P4HA1: variants seen among roughly 807,000 people sequenced by gnomAD.
The protein encoded by P4HA1 is prolyl 4-hydroxylase subunit alpha-1.
A neutral mutation model predicts 72.8 loss-of-function variants in P4HA1; 24 were observed. The ratio of observed to expected loss-of-function variants is 0.33; its 90% CI spans 0.24 to 0.46. The LOEUF is 0.46. P4HA1 is among the 20% of genes least tolerant of loss of function. P4HA1 has a pLI of 1.00. For missense variants in P4HA1, 446 were observed against 640.6 expected, an observed-to-expected ratio of 0.70 and a Z score of 3.28; for synonymous variants, 201 against 218.8, an observed-to-expected ratio of 0.92 and a Z score of 0.72.
chr10:73,073,885 A>G, intron 2 of P4HA1, 58 bp from the exon 3 acceptor site: 3 of 821,374 alleles, frequency 3.7e-6, no homozygotes, highest in East Asian at 2.4e-5. Flanking sequence ...TATGTTAAGA[A>G]TAAGAATGAT....
chr10:73,045,051 G>A lies in P4HA1; in HGVS notation c.1078C>T (p.Leu360=). ...GGGTTTGAAATGGTGGCTCGCCTCA[G>A]CTGTGAAGCCAACCATCAAAATAGT... is the stretch of plus-strand genomic sequence containing the variant. ...EIVKDLAKPR[L]RRATISNPIT... The change falls in exon 9 of 15, where the codon CTG becomes TTG. Residue 360 remains leucine, a splice_region_variant and synonymous_variant. Coordinates refer to ENST00000394890, the MANE Select transcript of P4HA1 (RefSeq NM_001017962.3). The A allele has an allele frequency of 1.2e-6, 2 of 1,612,840 alleles. No homozygotes were observed. The highest frequency in any genetic ancestry group is 2.2e-5 in the South Asian group (2 of 90,980).
intron 10 of P4HA1, among the ~76,000 whole-genome samples, chr10:73,017,301 A>C (rs963486620): frequency 6.6e-6 from 1 of 151,906 alleles, no homozygotes; most frequent in East Asian, 1.9e-4. Context: ...ATATATAGAT[A>C]TCTATATATA....
At chr10:73,056,060 A>G (rs1171817180) in intron 5 of P4HA1, among the ~76,000 whole-genome samples, 2 of 152,258 alleles carry the variant, frequency 1.3e-5, no homozygotes, top group Non-Finnish European at 2.9e-5. Context: ...AAATTCAGCA[A>G]TAAGAGAAAA....
rs117975209 is a variant in P4HA1 at position 73,017,554 on chromosome 10, G to A, written c.1249-655C>T. ...TTTGTTTCACTAAACACTTTCCTTT[G>A]GAACTTAAATCAAAAAATGTTTTCC... On this transcript the variant is annotated intron_variant, in intron 10 of 14. Transcript: ENST00000394890. Among the ~76,000 whole-genome samples the A allele has an allele frequency of 8.2e-4, 124 of 151,968 alleles. 3 individuals are homozygous for A. In the East Asian group the frequency reaches 0.02, roughly 24 times the overall value.
chr10:73,075,640 G>C (rs1841679986), intron 1 of P4HA1, among the ~76,000 whole-genome samples: 1 of 151,666 alleles, frequency 6.6e-6, no homozygotes, highest in Admixed American at 6.6e-5. Context: ...TTTTCAAAAT[G>C]TTAGAATACA....
At chr10:73,064,246 G>A (rs915971568) in intron 5 of P4HA1, among the ~76,000 whole-genome samples, 1 of 152,092 alleles carries the variant, frequency 6.6e-6, no homozygotes, top group Non-Finnish European at 1.5e-5. Context: ...GGGTGCGGGG[G>A]GGTGGATTGC....
chr10:73,068,014 G>A (rs766737497), intron 5 of P4HA1, among the ~76,000 whole-genome samples: 4 of 152,058 alleles, frequency 2.6e-5, no homozygotes, highest in South Asian at 2.1e-4. Flanking sequence ...TATCAAAAGC[G>A]TTATAATGTA....
intron 1 of P4HA1, among the ~76,000 whole-genome samples, chr10:73,078,251 T>G (rs1841746928): frequency 6.6e-6 from 1 of 152,088 alleles, no homozygotes; most frequent in African/African-American, 2.4e-5. Context: ...ATGCTCAAAC[T>G]TATTAGTAAT....
chr10:73,073,589 T>C, intron 3 of P4HA1, 142 bp downstream of exon 3: 3 of 605,590 alleles, frequency 5.0e-6, no homozygotes, highest in Non-Finnish European at 8.8e-6. Context: ...CCTAACTTGT[T>C]CTCTATACTC....
At chr10:73,068,789 G>C in intron 5 of P4HA1, 57 bp downstream of exon 5, 1 of 1,360,014 alleles carries the variant, frequency 7.4e-7, no homozygotes, top group Non-Finnish European at 1.0e-6. Flanking sequence ...TTGTGTTAAT[G>C]GACTCAACAG....
intron 7 of P4HA1, 67 bp from the exon 8 acceptor site, chr10:73,047,168 G>T: frequency 9.1e-7 from 1 of 1,098,760 alleles, no homozygotes; most frequent in Non-Finnish European, 1.4e-6. Context: ...CTATTCCTAT[G>T]CAGATAAGAG....
intron 1 of P4HA1, among the ~76,000 whole-genome samples, chr10:73,085,068 G>A (rs1247128475): frequency 1.3e-5 from 2 of 152,130 alleles, no homozygotes; most frequent in African/African-American, 4.8e-5. Context: ...TTGAACCCAG[G>A]AGGCAGAGGG....
At chr10:73,013,713 C>T (rs1839957080) in intron 12 of P4HA1, among the ~76,000 whole-genome samples, 1 of 152,106 alleles carries the variant, frequency 6.6e-6, no homozygotes, top group Non-Finnish European at 1.5e-5. Flanking sequence ...TATGATCATA[C>T]TGTTTTAAAA....
At chr10:73,009,063 C>T (rs1839855194) in intron 14 of P4HA1, among the ~76,000 whole-genome samples, 1 of 152,150 alleles carries the variant, frequency 6.6e-6, no homozygotes, top group Non-Finnish European at 1.5e-5. Flanking sequence ...TAAACTCTCT[C>T]TCACCAACTA....
At chr10:73,031,540 C>CA (rs1181086851) in intron 9 of P4HA1, among the ~76,000 whole-genome samples, 2 of 151,726 alleles carry the variant, frequency 1.3e-5, no homozygotes, top group African/African-American at 4.8e-5. Flanking sequence ...AAGCCAGATA[C>CA]AAAGGCCACA....
At chr10:73,034,728 C>T (rs1422850998) in intron 9 of P4HA1, among the ~76,000 whole-genome samples, 1 of 151,768 alleles carries the variant, frequency 6.6e-6, no homozygotes. Context: ...GCTGGGACTA[C>T]AGGCATGCAC....
At chr10:73,068,472 A>C (rs1192507787) in intron 5 of P4HA1, among the ~76,000 whole-genome samples, 3 of 152,214 alleles carry the variant, frequency 2.0e-5, no homozygotes, top group African/African-American at 7.2e-5. Context: ...CTTGGCTTTT[A>C]ATTATTTAAC....
intron 14 of P4HA1, 118 bp downstream of exon 14, chr10:73,009,689 T>C (rs1839870262): frequency 3.5e-6 from 2 of 569,182 alleles, no homozygotes; most frequent in Admixed American, 2.8e-5. Context: ...CTGAATCCTG[T>C]ACAATGTTAA....
chr10:73,023,468 G>T (rs938049904), intron 10 of P4HA1, among the ~76,000 whole-genome samples: 1 of 152,122 alleles, frequency 6.6e-6, no homozygotes, highest in Non-Finnish European at 1.5e-5. Flanking sequence ...TCACCACCAG[G>T]CCTGTCTTAC....
Sources: gnomAD v4.1 joint callset for allele counts (sites outside exome capture counted in the v4.1 genomes callset) on GRCh38, gnomAD v4.1.1 for gene constraint, MANE v1.5 for transcripts, NCBI Gene and HGNC (gene_info 2026-07-23, HGNC 2026-07-21) for gene names.